The following PRSS36 variants were observed in gnomAD, a reference collection of about 807,000 sequenced individuals.
PRSS36 encodes the protein serine protease 36, also known as polyserase-2.
PRSS36 carries 90 observed loss-of-function variants against 94.3 expected under a neutral mutation model. The observed-to-expected ratio is 0.95, with a 90% CI of 0.80 to 1.14. PRSS36 has a LOEUF of 1.14. Among genes scored for constraint, PRSS36 ranks in the 50% most tolerant of loss-of-function variants. The probability of loss-of-function intolerance (pLI) is 0.00; values close to 1 mark genes in which losing one functional copy is unlikely to be tolerated. For missense variants in PRSS36, 1,158 were observed against 1,135.0 expected (o/e 1.02, Z -0.29); for synonymous variants, 500 against 489.6 (o/e 1.02, Z -0.28).
intron 5 of PRSS36, among the ~76,000 whole-genome samples, chr16:31,146,779 A>G (rs2057804531): frequency 6.6e-6 from 1 of 152,130 alleles, no homozygotes; most frequent in Non-Finnish European, 1.5e-5. Context: ...TAGGAGTTCA[A>G]AACTAGCCTG....
At chr16:31,145,752 C>T (rs1203988053) in intron 6 of PRSS36, 37 bp downstream of exon 6, 1 of 1,596,452 alleles carries the variant, frequency 6.3e-7, no homozygotes, top group Non-Finnish European at 8.5e-7. Flanking sequence ...GGTTAGGACT[C>T]TGGCCCTGCC....
rs761834338 is a variant in PRSS36, at chr16:31,140,707, C to A, written c.1952G>T (p.Gly651Val). The A allele has an allele frequency of 5.6e-6, 9 of 1,613,972 alleles. No homozygotes were observed. In the African/African-American group the frequency reaches 8.0e-5, roughly 14 times the overall value. Residue 651 changes from glycine (G) to valine (V), a missense_variant, in exon 13 of 15, where the codon GGG becomes GTG. By Grantham distance (109) the Gly-to-Val change is moderately radical. Coordinates refer to ENST00000268281, the MANE Select transcript of PRSS36 (RefSeq NM_173502.5). The stretch of plus-strand genomic sequence containing the variant: ...GTGGCCCTGTGGGAGGGAGCTGGCC[C>A]CTGCCCGGCCCAGATACACTTCAAT... Reference protein sequence around the residue: ...PYIEVYLGRAGASSLPQGHQV... With the variant: ...PYIEVYLGRAVASSLPQGHQV...
chr16:31,140,464 C>T (rs2057666294), intron 13 of PRSS36, 28 bp downstream of exon 13: 4 of 1,599,682 alleles, frequency 2.5e-6, no homozygotes, highest in African/African-American at 2.7e-5. Flanking sequence ...TCCAGCTACT[C>T]CTCGTTCCCG....
intron 2 of PRSS36, 35 bp from the exon 3 acceptor site, chr16:31,149,533 G>A: frequency 1.2e-6 from 2 of 1,613,718 alleles, no homozygotes; most frequent in Non-Finnish European, 1.7e-6. Flanking sequence ...GAGGACACTT[G>A]TGACTTCCAG....
At chr16:31,149,860 A>G in intron 1 of PRSS36, 129 bp from the exon 2 acceptor site, 1 of 1,529,318 alleles carries the variant, frequency 6.5e-7, no homozygotes. Flanking sequence ...CCCTCCTCTG[A>G]TACATCCTCG....
rs767479190 is a variant in PRSS36 at position 31,148,397 on chromosome 16, G to A, written c.551C>T (p.Ala184Val). 4 of 1,564,060 alleles carry A rather than the reference G, an allele frequency of 2.6e-6. No individual in the cohort carries two copies. In the South Asian group the frequency reaches 4.6e-5, roughly 18 times the overall value. The change falls in exon 5 of 15, where the codon GCA becomes GTA. Residue 184 changes from alanine (A) to valine (V), a missense_variant and splice_region_variant. Physicochemically the swap from Ala to Val is moderately conservative, Grantham distance 64 (BLOSUM62 0). Coordinates refer to ENST00000268281, the MANE Select transcript of PRSS36 (RefSeq NM_173502.5). ...WATGWGDVQE[A>V]DPLPLPWVLQ... ...CCCTCTTGTCCCGTCCCACTCACCT[G>A]CCTCCTGGACGTCTCCCCAGCCGGT...
chr16:31,140,692 G>T lies in PRSS36; in HGVS notation c.1967C>A (p.Pro656Gln). Reference sequence around the variant, plus strand: ...CAAGCGGGATACCTGGTGGCCCTGTGGGAGGGAGCTGGCCCCTGCCCGGCC... The same window carrying T: ...CAAGCGGGATACCTGGTGGCCCTGTTGGAGGGAGCTGGCCCCTGCCCGGCC... ...YLGRAGASSL[P>Q]QGHQVSRLVI... The change falls in exon 13 of 15, where the codon CCA (proline) becomes CAA (glutamine). Residue 656 changes from proline (P) to glutamine (Q), a missense_variant. Transcript: ENST00000268281. 6.2e-7 allele frequency: 1 copy of T among 1,614,082 alleles called. No individual in the cohort carries two copies. The highest frequency in any genetic ancestry group is 8.5e-7 in the Non-Finnish European group (1 of 1,179,978).
At chr16:31,145,997 G>A in intron 5 of PRSS36, 42 bp from the exon 6 acceptor site, 1 of 1,532,516 alleles carries the variant, frequency 6.5e-7, no homozygotes, top group Non-Finnish European at 8.7e-7. Flanking sequence ...AGGCAGGTAT[G>A]GCATCCCCAG....
At chr16:31,144,695 C>A (rs1293724079) in intron 6 of PRSS36, among the ~76,000 whole-genome samples, 1 of 152,150 alleles carries the variant, frequency 6.6e-6, no homozygotes, top group Admixed American at 6.5e-5. Context: ...GAGGGTGAGC[C>A]AGGAGAATTG....
At chr16:31,146,301 C>T (rs1320463693) in intron 5 of PRSS36, among the ~76,000 whole-genome samples, 1 of 152,202 alleles carries the variant, frequency 6.6e-6, no homozygotes, top group Non-Finnish European at 1.5e-5. Flanking sequence ...GCCATACGGA[C>T]TTGACATGGT....
chr16:31,144,775 A>C (rs915755626), intron 6 of PRSS36, among the ~76,000 whole-genome samples: 2 of 151,706 alleles, frequency 1.3e-5, no homozygotes, highest in Non-Finnish European at 2.9e-5. Context: ...GGGCAACAAG[A>C]GCAAAACTCT....
rs148092091 is a variant in PRSS36, at chr16:31,141,488, C to T, written c.1882G>A (p.Ala628Thr). 3.7e-4 allele frequency: 595 copies of T among 1,612,256 alleles called. 2 individuals are homozygous for T. In the African/African-American group the frequency reaches 7.2e-3, roughly 20 times the overall value. The change falls in exon 12 of 15, where the codon GCC becomes ACC. Residue 628 changes from alanine (A) to threonine (T), a missense_variant. Coordinates refer to ENST00000268281, the MANE Select transcript of PRSS36 (RefSeq NM_173502.5). ...ILLAPGWVLA[A>T]THCVLRPGST... is the part of the protein sequence containing the mutation. ...ACCCACCTGAGGACACAGTGAGTGG[C>T]TGCCAGGACCCAGCCTGGGGCCAGG...
chr16:31,145,690 C>T, intron 6 of PRSS36, 99 bp downstream of exon 6: 2 of 1,212,598 alleles, frequency 1.6e-6, no homozygotes, highest in South Asian at 1.5e-5. Context: ...GGCAATCTTG[C>T]CCTCCTTTTG....
At chr16:31,142,459 G>A (rs889546) in intron 10 of PRSS36, 22 bp downstream of exon 10, 1,416,254 of 1,423,348 alleles carry the variant, frequency 1, 704,884 homozygotes, top group South Asian at 1. Context: ...CGCGTTCCGC[G>A]GGCCCCGCCC....
At chr16:31,146,928 G>A (rs577570068) in intron 5 of PRSS36, among the ~76,000 whole-genome samples, 1 of 152,196 alleles carries the variant, frequency 6.6e-6, no homozygotes, top group Admixed American at 6.5e-5. Flanking sequence ...GTTGCAGTGA[G>A]CCTAGATCGC....
At position 31,149,300 on chromosome 16, in the gene PRSS36, C is replaced by T; in HGVS notation, c.110-65G>A. ...TTCCCCACTCCAGAAGCCCAGGTAA[C>T]TCAGGACGAAGGCCCGTCCTCCACC... is the stretch of plus-strand genomic sequence containing the variant. On this transcript the variant is annotated intron_variant, in intron 3 of 14. Coordinates refer to ENST00000268281, the MANE Select transcript of PRSS36 (RefSeq NM_173502.5). 2.0e-6 allele frequency: 3 copies of T among 1,514,278 alleles called. No homozygotes were observed. In the South Asian group the frequency reaches 3.8e-5, roughly 19 times the overall value. 93.8% of individuals were successfully genotyped at this position (1,514,278 alleles called of 1,614,324 possible).
rs61748978 is a variant in PRSS36 at position 31,143,823 on chromosome 16, C to T, written c.735G>A (p.Gly245=). Residue 245 remains glycine, a synonymous_variant, in exon 7 of 15, where the codon GGG becomes GGA. Transcript: ENST00000268281. The part of the protein sequence containing the change: ...RRDTCQGDSG[G]PLVCEEGGRW... ...GGCCGCCTTCCTCACAGACCAGGGG[C>T]CCCCCAGAGTCACCCTAGTGGCAGA... The T allele has an allele frequency of 1.2e-6, 2 of 1,613,386 alleles. No homozygotes were observed. The highest frequency in any genetic ancestry group is 3.3e-4 in the Middle Eastern group (2 of 6,062).
chr16:31,147,581 C>A (rs2057817035), intron 5 of PRSS36, among the ~76,000 whole-genome samples: 1 of 152,178 alleles, frequency 6.6e-6, no homozygotes, highest in African/African-American at 2.4e-5. Context: ...TCCCCCCCAC[C>A]TTCTAACATA....
chr16:31,143,163 C>T (rs576237552), intron 8 of PRSS36, among the ~76,000 whole-genome samples, 170 bp from the exon 9 acceptor site: 1 of 152,214 alleles, frequency 6.6e-6, no homozygotes, highest in African/African-American at 2.4e-5. Context: ...GAACTTCTAT[C>T]TACCATGCCT....
Sources: gnomAD v4.1 joint callset for allele counts (sites outside exome capture counted in the v4.1 genomes callset) on GRCh38, gnomAD v4.1.1 for gene constraint, MANE v1.5 for transcripts, NCBI Gene and HGNC (gene_info 2026-07-23, HGNC 2026-07-21) for gene names.